Variants in MYO9B observed in about 807,000 individuals in gnomAD.
The protein encoded by MYO9B is unconventional myosin-IXb.
Under a neutral mutation model 229.5 loss-of-function variants are expected in MYO9B, and 71 were observed. That is an observed-to-expected ratio of 0.31 (90% confidence interval 0.26 to 0.38). MYO9B has a LOEUF of 0.38. Ranked by LOEUF, MYO9B falls within the 10% of genes least tolerant of loss-of-function variation. The pLI, the probability that MYO9B is intolerant of heterozygous loss-of-function variation, is 1.00. For synonymous variants in MYO9B, 1,185 were observed against 1,235.8 expected, an observed-to-expected ratio of 0.96 and a Z score of 0.86; for missense variants, 2,255 against 2,920.5, an observed-to-expected ratio of 0.77 and a Z score of 5.25.
intron 2 of MYO9B, among the ~76,000 whole-genome samples, chr19:17,140,443 T>C (rs1374997622): frequency 1.3e-5 from 2 of 151,886 alleles, no homozygotes; most frequent in East Asian, 3.9e-4. Flanking sequence ...AGTGACCTCA[T>C]CACCTCCCAA....
intron 13 of MYO9B, 81 bp downstream of exon 13, chr19:17,173,044 TC>T (rs2072743866): frequency 6.8e-7 from 1 of 1,471,266 alleles, no homozygotes. Context: ...AGTGAACACT[TC>T]AGTGGCATTT....
intron 2 of MYO9B, among the ~76,000 whole-genome samples, chr19:17,132,489 T>C (rs2072210766): frequency 6.8e-6 from 1 of 146,252 alleles, no homozygotes; most frequent in Non-Finnish European, 1.5e-5. Flanking sequence ...CCAGGCCTTA[T>C]TTTATTTCTT....
intron 2 of MYO9B, among the ~76,000 whole-genome samples, chr19:17,128,346 A>T (rs1347313152): frequency 6.6e-6 from 1 of 152,116 alleles, no homozygotes; most frequent in Non-Finnish European, 1.5e-5. Flanking sequence ...AGCTAGGATC[A>T]CACCACTGTA....
chr19:17,159,431 A>G lies in MYO9B; in HGVS notation c.1366A>G (p.Arg456Gly), dbSNP rs780205305. 2.5e-6 allele frequency: 4 copies of G among 1,610,756 alleles called. No individual in the cohort carries two copies. Among genetic ancestry groups the G allele is most frequent in the Non-Finnish European group, 3.4e-6 (4 of 1,178,534 alleles). ...AATCTTGGTGGAGGTTCTGACCAAAAGAAAAACGGTGACCGTCAACGACAA... is the reference window on the plus strand; with the variant it reads ...AATCTTGGTGGAGGTTCTGACCAAAGGAAAAACGGTGACCGTCAACGACAA... The part of the protein sequence containing the change: ...REILVEVLTK[R>G]KTVTVNDKLI... Residue 456 changes from arginine to glycine, a missense_variant, in exon 8 of 40, where the codon AGA (arginine) becomes GGA (glycine). Around this residue, in one of 7 missense-constraint regions of MYO9B, gnomAD observed 220 missense variants for 404.5 expected, o/e 0.54. Coordinates refer to ENST00000682292, the MANE Select transcript of MYO9B (RefSeq NM_004145.4).
intron 2 of MYO9B, among the ~76,000 whole-genome samples, chr19:17,134,521 A>G (rs1354852888): frequency 6.8e-6 from 1 of 147,134 alleles, no homozygotes; most frequent in Non-Finnish European, 1.5e-5. Context: ...CCTCCCCTGT[A>G]GCTGGGATTA....
chr19:17,189,958 G>A (rs1026436395), intron 19 of MYO9B, among the ~76,000 whole-genome samples: 3 of 151,682 alleles, frequency 2.0e-5, no homozygotes, highest in Non-Finnish European at 4.4e-5. Context: ...CCAGCTACTC[G>A]GGAGGCTGAG....
intron 10 of MYO9B, among the ~76,000 whole-genome samples, chr19:17,164,831 G>A (rs1295473367): frequency 6.6e-6 from 1 of 152,172 alleles, no homozygotes; most frequent in African/African-American, 2.4e-5. Context: ...TGAAGCATTG[G>A]GAGTGTAGCT....
chr19:17,133,065 C>T (rs1355148518), intron 2 of MYO9B, among the ~76,000 whole-genome samples: 1 of 151,842 alleles, frequency 6.6e-6, no homozygotes, highest in Non-Finnish European at 1.5e-5. Flanking sequence ...CCAGGATGGT[C>T]TCGATGTCCT....
rs927682684 is a variant in MYO9B at position 17,193,081 on chromosome 19, C to T, written c.3128+19C>T. On this transcript the variant is annotated intron_variant, in intron 21 of 39. Transcript: ENST00000682292. The surrounding 1 kb of genome is among the most constrained non-coding windows in gnomAD (Gnocchi z 4.3). ...GCAAGAGGTGAGCAGAGCCGGGCCA[C>T]GCTCCTCGGAATATTCCAGAAGCCA... The T allele has an allele frequency of 9.8e-6, 14 of 1,430,856 alleles. No individual in the cohort carries two copies. Among genetic ancestry groups the T allele is most frequent in the African/African-American group, 2.9e-5 (2 of 69,666 alleles). The allele number at this position is 1,430,856 out of a possible 1,614,324, so 88.6% of individuals were successfully genotyped here.
intron 1 of MYO9B, among the ~76,000 whole-genome samples, chr19:17,089,709 A>G (rs1426724458): frequency 6.6e-6 from 1 of 152,182 alleles, no homozygotes; most frequent in African/African-American, 2.4e-5. Context: ...GAGTGCAGAA[A>G]GCATATACTG....
At chr19:17,169,544 G>A (rs1453023611) in intron 11 of MYO9B, among the ~76,000 whole-genome samples, 3 of 151,104 alleles carry the variant, frequency 2.0e-5, no homozygotes, top group East Asian at 1.9e-4. Flanking sequence ...GTTTGAACCC[G>A]GGAGGTGGAG....
At chr19:17,205,566 C>G (rs1450862972) in intron 31 of MYO9B, among the ~76,000 whole-genome samples, 1 of 152,228 alleles carries the variant, frequency 6.6e-6, no homozygotes, top group East Asian at 1.9e-4. Flanking sequence ...CCCAGCCCTG[C>G]TCATCCTTGC....
intron 2 of MYO9B, among the ~76,000 whole-genome samples, chr19:17,125,879 T>A (rs1309453633): frequency 2.6e-5 from 4 of 152,166 alleles, no homozygotes; most frequent in African/African-American, 9.6e-5. Context: ...CCTCTGCGAA[T>A]AGGGGAGCCA....
chr19:17,205,166 A>T, intron 30 of MYO9B, 97 bp from the exon 31 acceptor site: 1 of 841,264 alleles, frequency 1.2e-6, no homozygotes, highest in Non-Finnish European at 1.9e-6. Flanking sequence ...AAAAAAAAAA[A>T]GAAGGCAATT....
At chr19:17,152,048 A>G (rs1304038139) in intron 3 of MYO9B, among the ~76,000 whole-genome samples, 12 of 152,038 alleles carry the variant, frequency 7.9e-5, no homozygotes, top group East Asian at 5.9e-4. Flanking sequence ...TTAGCCAGGC[A>G]TGGTGGCACA....
At chr19:17,147,333 G>A (rs111917939) in intron 3 of MYO9B, among the ~76,000 whole-genome samples, 1 of 151,880 alleles carries the variant, frequency 6.6e-6, no homozygotes, top group East Asian at 1.9e-4. Flanking sequence ...ACCTGAAGTC[G>A]GGAGTTCAAG....
intron 2 of MYO9B, among the ~76,000 whole-genome samples, chr19:17,126,055 C>T (rs2058014591): frequency 6.6e-6 from 1 of 152,178 alleles, no homozygotes; most frequent in African/African-American, 2.4e-5. Context: ...CAGGGTCTTC[C>T]TTGTGCCTGG....
At chr19:17,100,556 A>G (rs567657933) in intron 1 of MYO9B, among the ~76,000 whole-genome samples, 41 of 152,258 alleles carry the variant, frequency 2.7e-4, no homozygotes, top group African/African-American at 8.7e-4. Context: ...TGGTGTCACT[A>G]GCTCTTCCAT....
At chr19:17,130,393 G>A (rs1451211820) in intron 2 of MYO9B, among the ~76,000 whole-genome samples, 2 of 152,096 alleles carry the variant, frequency 1.3e-5, no homozygotes, top group African/African-American at 4.8e-5. Context: ...GAGGCAGGCG[G>A]ATCACGAGGT....
Sources: gnomAD v4.1 joint callset for allele counts (sites outside exome capture counted in the v4.1 genomes callset) on GRCh38, gnomAD v4.1.1 for gene constraint, gnomAD v4.1.1 regional missense constraint, Gnocchi (gnomAD v3.1) non-coding constraint, MANE v1.5 for transcripts, NCBI Gene and HGNC (gene_info 2026-07-23, HGNC 2026-07-21) for gene names.